The following CELF5 variants were observed in gnomAD, a reference collection of about 807,000 sequenced individuals.
The protein encoded by CELF5 is CUGBP Elav-like family member 5.
Under a neutral mutation model 54.9 loss-of-function variants are expected in CELF5, and 6 were observed. The observed-to-expected ratio is 0.11, with a 90% CI of 0.06 to 0.22. The LOEUF (loss-of-function observed/expected upper bound fraction) is 0.22, where lower values mean the gene tolerates loss of function less well. Among genes scored for constraint, CELF5 ranks in the 10% least tolerant of loss-of-function variants. The probability of loss-of-function intolerance (pLI) is 1.00; values close to 1 mark genes in which losing one functional copy is unlikely to be tolerated. For missense variants in CELF5, 401 were observed against 678.6 expected, an observed-to-expected ratio of 0.59 and a Z score of 4.54; for synonymous variants, 271 against 290.9, an observed-to-expected ratio of 0.93 and a Z score of 0.70.
At chr19:3,293,187 C>T in intron 11 of CELF5, 132 bp from the exon 12 acceptor site, 2 of 1,216,950 alleles carry the variant, frequency 1.6e-6, no homozygotes, top group Admixed American at 2.1e-5. Context: ...CCACCACAAA[C>T]ACCCTGGCCT....
At chr19:3,261,302 C>T (rs999888374) in intron 2 of CELF5, among the ~76,000 whole-genome samples, 1 of 151,886 alleles carries the variant, frequency 6.6e-6, no homozygotes, top group African/African-American at 2.4e-5. Flanking sequence ...CCTGTAATCC[C>T]AGCTATTCAG....
chr19:3,293,615 C>T (rs1263989493), intron 12 of CELF5, 129 bp downstream of exon 12: 5 of 797,872 alleles, frequency 6.3e-6, no homozygotes, highest in Middle Eastern at 6.6e-4. Context: ...AAGAAACCTC[C>T]GGGTTGGGTT....
chr19:3,249,132 G>C (rs528005692), intron 1 of CELF5, among the ~76,000 whole-genome samples: 30 of 151,900 alleles, frequency 2.0e-4, no homozygotes, highest in African/African-American at 7.0e-4. Flanking sequence ...AGTGGACACC[G>C]TGGAGCTCCG....
intron 2 of CELF5, among the ~76,000 whole-genome samples, chr19:3,258,640 CT>C (rs1389246684): frequency 6.6e-6 from 1 of 151,896 alleles, no homozygotes; most frequent in Non-Finnish European, 1.5e-5. Flanking sequence ...GAGACAGGGT[CT>C]TGCTCTGTCG....
chr19:3,280,434 G>C (rs2080129846), intron 5 of CELF5, among the ~76,000 whole-genome samples: 1 of 152,036 alleles, frequency 6.6e-6, no homozygotes. Flanking sequence ...AATTAGCTGG[G>C]CGTGATGGCG....
chr19:3,227,907 TG>T lies in CELF5; in HGVS notation c.259+2911del, dbSNP rs529084413. On this transcript the variant is annotated intron_variant, in intron 1 of 12. Transcript: ENST00000292672. ...AGGCCCCCAGAGATGGTGCTGGGGA[TG>T]GAGGGGCCCGTGACACCTGACAGCC... Among the ~76,000 whole-genome samples the T allele has an allele frequency of 1.2e-3, 177 of 151,962 alleles. 1 individual carries two copies. The highest frequency in any genetic ancestry group is 4.1e-3 in the African/African-American group (171 of 41,422).
chr19:3,260,381 CT>C (rs1276148138), intron 2 of CELF5, among the ~76,000 whole-genome samples: 3 of 152,144 alleles, frequency 2.0e-5, no homozygotes. Flanking sequence ...AATGATCCCC[CT>C]GCCTCAGCCT....
In CELF5 at chr19:3,268,502, C is replaced by T. The variant is rs150659322; in HGVS notation, c.343-5370C>T. On this transcript the variant is annotated intron_variant, in intron 2 of 12. Coordinates refer to ENST00000292672, the MANE Select transcript of CELF5 (RefSeq NM_021938.4). This position sits in a 1 kb window ranked among gnomAD's most constrained non-coding sequence, Gnocchi z 4.4. ...TGTGCAGACACCAAATTGTAAGACA[C>T]TGCCTGGCACCAGCTCTTGGGTGAC... Among the ~76,000 whole-genome samples the T allele has an allele frequency of 1.5e-3, 223 of 152,206 alleles. No individual in the cohort carries two copies. Among genetic ancestry groups the T allele is most frequent in the African/African-American group, 4.7e-3 (196 of 41,544 alleles).
intron 1 of CELF5, among the ~76,000 whole-genome samples, chr19:3,235,394 A>C (rs1258940124): frequency 1.3e-5 from 2 of 150,268 alleles, no homozygotes; most frequent in Non-Finnish European, 3.0e-5. Flanking sequence ...TCTCCTTCCT[A>C]ATAGACTGTA....
intron 1 of CELF5, among the ~76,000 whole-genome samples, chr19:3,240,017 T>C (rs1418464602): frequency 6.6e-6 from 1 of 151,970 alleles, no homozygotes; most frequent in Non-Finnish European, 1.5e-5. Flanking sequence ...CACTTTTTTT[T>C]TTTTTTTTGA....
intron 11 of CELF5, among the ~76,000 whole-genome samples, chr19:3,291,947 G>A (rs2080357314): frequency 6.6e-6 from 1 of 151,624 alleles, no homozygotes; most frequent in Non-Finnish European, 1.5e-5. Flanking sequence ...TTTTTGTTTT[G>A]TTTTTTGGCT....
chr19:3,237,579 A>G (rs1307688043), intron 1 of CELF5, among the ~76,000 whole-genome samples: 1 of 152,162 alleles, frequency 6.6e-6, no homozygotes, highest in Admixed American at 6.6e-5. Flanking sequence ...ATGCTAATGC[A>G]TTATAATTAG....
At chr19:3,290,657 G>A (rs112022027) in intron 11 of CELF5, among the ~76,000 whole-genome samples, 39,822 of 149,032 alleles carry the variant, frequency 0.27, 6,433 homozygotes, top group Middle Eastern at 0.37. Flanking sequence ...TCTGCGTCCC[G>A]GGTTCACGCC....
At chr19:3,226,965 C>A (rs754074397) in intron 1 of CELF5, among the ~76,000 whole-genome samples, 1 of 151,936 alleles carries the variant, frequency 6.6e-6, no homozygotes. Flanking sequence ...TGGGGTACCT[C>A]GGGGGTATTT....
chr19:3,269,714 G>C (rs574195601), intron 2 of CELF5, among the ~76,000 whole-genome samples: 4 of 152,120 alleles, frequency 2.6e-5, no homozygotes, highest in African/African-American at 9.7e-5. Flanking sequence ...CAGCCCACAG[G>C]ACCCCTTGGT....
chr19:3,250,886 A>C, intron 1 of CELF5, 99 bp from the exon 2 acceptor site: 1 of 572,130 alleles, frequency 1.7e-6, no homozygotes, highest in Non-Finnish European at 3.0e-6. Flanking sequence ...TGTGGATGGA[A>C]GCTTGGGTTG....
intron 8 of CELF5, chr19:3,284,688 G>T: frequency 1.7e-6 from 1 of 581,804 alleles, no homozygotes; most frequent in South Asian, 2.0e-5. Flanking sequence ...GAGAAACCCG[G>T]ATTCCAGTTC....
At chr19:3,263,534 C>T (rs1393398149) in intron 2 of CELF5, among the ~76,000 whole-genome samples, 4 of 152,016 alleles carry the variant, frequency 2.6e-5, no homozygotes, top group Non-Finnish European at 5.9e-5. Flanking sequence ...GCACTCCAGC[C>T]TGGGCGACAG....
chr19:3,245,170 G>A (rs1023853976), intron 1 of CELF5, among the ~76,000 whole-genome samples: 3 of 145,922 alleles, frequency 2.1e-5, no homozygotes, highest in Non-Finnish European at 4.5e-5. Context: ...TGTTGTGCAT[G>A]TGTCTTTGCG....
Sources: gnomAD v4.1 joint callset for allele counts (sites outside exome capture counted in the v4.1 genomes callset) on GRCh38, gnomAD v4.1.1 for gene constraint, Gnocchi (gnomAD v3.1) non-coding constraint, MANE v1.5 for transcripts, NCBI Gene and HGNC (gene_info 2026-07-23, HGNC 2026-07-21) for gene names.